CHLSN: variants seen among roughly 807,000 people sequenced by gnomAD.
CHLSN encodes protein cholesin.
the CHLSN span, among the ~76,000 whole-genome samples, chr7:994,107 C>G: frequency 6.6e-6 from 1 of 152,284 alleles, no homozygotes; most frequent in African/African-American, 2.4e-5. Flanking sequence ...CAATGTGATT[C>G]TGACTTCCAA....
chr7:1,053,817 A>C, the CHLSN span, among the ~76,000 whole-genome samples: 1 of 151,992 alleles, frequency 6.6e-6, no homozygotes, highest in Non-Finnish European at 1.5e-5. Context: ...ACAGAGCGAG[A>C]CTCCATCTCA....
the CHLSN span, among the ~76,000 whole-genome samples, chr7:1,063,195 C>A: frequency 6.6e-6 from 1 of 152,188 alleles, no homozygotes; most frequent in African/African-American, 2.4e-5. Context: ...CCAGCTGACC[C>A]CGGCCACATC....
the CHLSN span, chr7:1,127,266 G>A: frequency 1.6e-5 from 25 of 1,597,788 alleles, no homozygotes; most frequent in Admixed American, 1.8e-5. Flanking sequence ...CCTTGGAGCC[G>A]GCTCCTTCGC....
chr7:1,044,591 CCCGCCGCCT>C, the CHLSN span: 1 of 150,790 alleles, frequency 6.6e-6, no homozygotes, highest in Non-Finnish European at 1.5e-5. Context: ...CGCCGTGAGC[CCCGCCGCCT>C]CCGCCAGCCC....
the CHLSN span, among the ~76,000 whole-genome samples, chr7:1,118,816 A>AC: frequency 1.3e-5 from 2 of 148,164 alleles, no homozygotes; most frequent in African/African-American, 5.2e-5. Flanking sequence ...AAAAAAAAAA[A>AC]AAAAAAAGAG....
At chr7:986,528 T>C in the CHLSN span, 1 of 1,438,138 alleles carries the variant, frequency 7.0e-7, no homozygotes, top group Non-Finnish European at 9.6e-7. Context: ...CCAGAGTCCC[T>C]GGGCGTGAAC....
At chr7:1,002,067 G>A in the CHLSN span, among the ~76,000 whole-genome samples, 1 of 134,922 alleles carries the variant, frequency 7.4e-6, no homozygotes. Flanking sequence ...GGGGAGTCCT[G>A]TGGGTGGGGA....
the CHLSN span, among the ~76,000 whole-genome samples, chr7:1,103,017 C>T: frequency 8.4e-3 from 1,285 of 152,338 alleles, 15 homozygotes; most frequent in African/African-American, 0.03. Context: ...CGACCCCTTA[C>T]CCGTGACACG....
At chr7:1,127,692 C>T in the CHLSN span, among the ~76,000 whole-genome samples, 1 of 57,350 alleles carries the variant, frequency 1.7e-5, no homozygotes, top group African/African-American at 4.9e-5. Context: ...GGCTGGAGTG[C>T]AGTGGCACAA....
the CHLSN span, among the ~76,000 whole-genome samples, chr7:1,110,357 C>T: frequency 0.017 from 2,587 of 152,256 alleles, 93 homozygotes; most frequent in East Asian, 0.17. Context: ...CTTCATGGTG[C>T]GGCTCCGAGA....
chr7:1,100,916 A>G, the CHLSN span, among the ~76,000 whole-genome samples: 2 of 152,244 alleles, frequency 1.3e-5, no homozygotes, highest in Admixed American at 6.5e-5. Flanking sequence ...GAGAGGCCAC[A>G]GACGCAGGCA....
chr7:1,083,800 C>T, the CHLSN span, among the ~76,000 whole-genome samples: 4 of 152,210 alleles, frequency 2.6e-5, no homozygotes, highest in Admixed American at 2.0e-4. Context: ...GCGGCACCGA[C>T]GCGCCCACGT....
At chr7:1,035,784 T>C in the CHLSN span, among the ~76,000 whole-genome samples, 1 of 152,196 alleles carries the variant, frequency 6.6e-6, no homozygotes, top group Non-Finnish European at 1.5e-5. Flanking sequence ...AATGTGCCCC[T>C]TGGTATTCAC....
chr7:1,106,562 G>T, the CHLSN span, among the ~76,000 whole-genome samples: 7 of 152,190 alleles, frequency 4.6e-5, 1 homozygote, highest in Non-Finnish European at 8.8e-5. Context: ...ACGTCAGGAG[G>T]AGCCCGGCCC....
chr7:1,136,629 A>AAT, the CHLSN span, among the ~76,000 whole-genome samples: 4 of 144,210 alleles, frequency 2.8e-5, no homozygotes, highest in South Asian at 2.1e-4. Context: ...TATAAAAATA[A>AAT]ATATATATAT....
At chr7:1,069,364 CCCCTCT>C in the CHLSN span, among the ~76,000 whole-genome samples, 1 of 141,648 alleles carries the variant, frequency 7.1e-6, no homozygotes, top group Non-Finnish European at 1.6e-5. Context: ...TCTCCCCTCT[CCCCTCT>C]CCCCTCTCCC....
chr7:1,015,278 T>G, the CHLSN span, among the ~76,000 whole-genome samples: 3 of 151,850 alleles, frequency 2.0e-5, no homozygotes, highest in Non-Finnish European at 4.4e-5. Flanking sequence ...TGAGAGCAGG[T>G]GTGGGCTCCC....
chr7:1,118,388 C>G, the CHLSN span, among the ~76,000 whole-genome samples: 1 of 152,186 alleles, frequency 6.6e-6, no homozygotes, highest in Non-Finnish European at 1.5e-5. Context: ...AGCTCAGCAT[C>G]ATTGTTAGCT....
At chr7:1,018,593 T>C in the CHLSN span, among the ~76,000 whole-genome samples, 3 of 151,850 alleles carry the variant, frequency 2.0e-5, no homozygotes, top group South Asian at 4.2e-4. Context: ...CGCGGGCGGG[T>C]GGGGTCCAGC....
Sources: allele counts gnomAD v4.1 joint callset (sites outside exome capture counted in the v4.1 genomes callset), GRCh38; gene constraint gnomAD v4.1.1; transcripts MANE v1.5; gene names NCBI Gene and HGNC (gene_info 2026-07-23, HGNC 2026-07-21).